The following MBOAT1 variants were observed in gnomAD, a reference collection of about 807,000 sequenced individuals.
The protein encoded by MBOAT1 is membrane bound glycerophospholipid O-acyltransferase 1.
A neutral mutation model predicts 64.4 loss-of-function variants in MBOAT1; 67 were observed. The observed-to-expected ratio is 1.04, with a 90% CI of 0.85 to 1.27. MBOAT1 has a LOEUF of 1.27. Among genes scored for constraint, MBOAT1 ranks in the 50% most tolerant of loss-of-function variants. The pLI, the probability that MBOAT1 is intolerant of heterozygous loss-of-function variation, is 0.00. For missense variants in MBOAT1, 563 were observed against 604.6 expected (o/e 0.93, Z 0.72); for synonymous variants, 229 against 218.9 (o/e 1.05, Z -0.41).
intron 3 of MBOAT1, among the ~76,000 whole-genome samples, chr6:20,148,395 G>T (rs953089230): frequency 6.6e-6 from 1 of 152,120 alleles, no homozygotes; most frequent in African/African-American, 2.4e-5. Flanking sequence ...TATAGCCTGG[G>T]CAACAGAGTG....
chr6:20,194,458 T>G (rs1300321251), intron 1 of MBOAT1, among the ~76,000 whole-genome samples: 3 of 152,218 alleles, frequency 2.0e-5, no homozygotes, highest in Non-Finnish European at 4.4e-5. Flanking sequence ...TGAAGAGTAC[T>G]GGTCAGGTAT....
intron 1 of MBOAT1, among the ~76,000 whole-genome samples, chr6:20,178,686 C>T (rs1444796097): frequency 6.6e-6 from 1 of 152,158 alleles, no homozygotes; most frequent in East Asian, 1.9e-4. Flanking sequence ...TATGACGGTC[C>T]TTCCAGGTAT....
chr6:20,149,765 T>C (rs1184963884), intron 3 of MBOAT1, among the ~76,000 whole-genome samples: 5 of 152,216 alleles, frequency 3.3e-5, no homozygotes. Context: ...ACCAAAAATT[T>C]GTTATAAGTA....
At chr6:20,196,390 G>C (rs966671421) in intron 1 of MBOAT1, among the ~76,000 whole-genome samples, 1 of 152,290 alleles carries the variant, frequency 6.6e-6, no homozygotes, top group Non-Finnish European at 1.5e-5. Flanking sequence ...ATGTCCAGGA[G>C]AGGCAAACTG....
At chr6:20,192,470 C>T (rs1762829140) in intron 1 of MBOAT1, among the ~76,000 whole-genome samples, 1 of 152,172 alleles carries the variant, frequency 6.6e-6, no homozygotes, top group South Asian at 2.1e-4. Flanking sequence ...AAGAGAGTCC[C>T]AAGAACACAT....
chr6:20,149,038 T>C (rs976772203), intron 3 of MBOAT1, among the ~76,000 whole-genome samples: 4 of 149,296 alleles, frequency 2.7e-5, no homozygotes, highest in Non-Finnish European at 5.9e-5. Context: ...GAGGTGGAGG[T>C]TGCAGTAAGC....
chr6:20,169,868 T>C (rs1363728988), intron 1 of MBOAT1, among the ~76,000 whole-genome samples: 1 of 152,130 alleles, frequency 6.6e-6, no homozygotes, highest in Non-Finnish European at 1.5e-5. Context: ...ATTTTTAACC[T>C]CCCTTTGTGC....
At position 20,109,763 on chromosome 6, in the gene MBOAT1, C is replaced by T; in HGVS notation, c.1210-14G>A. On this transcript the variant is annotated splice_polypyrimidine_tract_variant and intron_variant, in intron 11 of 12. Coordinates refer to ENST00000324607, the MANE Select transcript of MBOAT1 (RefSeq NM_001080480.3). Reference sequence around the variant, plus strand: ...GTTGTTCCTGACCTGCAGGCCAACACAGGCAACAGTAGTGAGGAGGGGGTG... The same window carrying T: ...GTTGTTCCTGACCTGCAGGCCAACATAGGCAACAGTAGTGAGGAGGGGGTG... 6.2e-7 allele frequency: 1 copy of T among 1,611,692 alleles called. No homozygotes were observed. The highest frequency in any genetic ancestry group is 8.5e-7 in the Non-Finnish European group (1 of 1,178,142).
intron 4 of MBOAT1, among the ~76,000 whole-genome samples, chr6:20,134,945 T>G (rs1341552960): frequency 7.1e-6 from 1 of 140,644 alleles, no homozygotes; most frequent in Non-Finnish European, 1.5e-5. Flanking sequence ...CAAAACTCAG[T>G]ACAGGAGAAC....
chr6:20,113,685 T>C (rs527739422), intron 10 of MBOAT1, among the ~76,000 whole-genome samples: 2 of 152,194 alleles, frequency 1.3e-5, no homozygotes, highest in African/African-American at 4.8e-5. Flanking sequence ...GCATTCTGAT[T>C]GTTTATTTAA....
chr6:20,116,522 G>T (rs1291643494), intron 9 of MBOAT1, among the ~76,000 whole-genome samples: 1 of 152,012 alleles, frequency 6.6e-6, no homozygotes, highest in Non-Finnish European at 1.5e-5. Context: ...GAGGAAGGGA[G>T]AGAAAAGTGG....
intron 4 of MBOAT1, among the ~76,000 whole-genome samples, chr6:20,142,414 C>G (rs148523318): frequency 0.01 from 1,564 of 152,190 alleles, 21 homozygotes; most frequent in Non-Finnish European, 0.016. Context: ...ATTGTTGTTC[C>G]TATGTTTTCC....
At chr6:20,184,350 C>A (rs564423300) in intron 1 of MBOAT1, among the ~76,000 whole-genome samples, 1 of 152,118 alleles carries the variant, frequency 6.6e-6, no homozygotes, top group Non-Finnish European at 1.5e-5. Flanking sequence ...TGAGGGGGGA[C>A]AGGTGGAGGA....
rs978312014 is a variant in MBOAT1 at position 20,099,786 on chromosome 6, G to C, written c.*2500C>G. Among the ~76,000 whole-genome samples the C allele has an allele frequency of 1.3e-5, 2 of 152,226 alleles. No individual in the cohort carries two copies. The highest frequency in any genetic ancestry group is 4.2e-4 in the South Asian group (2 of 4,818). ...TTTATGAACTGCATCTTATATTTAG[G>C]ACAACTTGGAAATCTAAGGTAATAA... On this transcript the variant is annotated 3_prime_UTR_variant, in exon 13 of 13. Coordinates refer to ENST00000324607, the MANE Select transcript of MBOAT1 (RefSeq NM_001080480.3).
At chr6:20,208,811 A>C (rs1218914884) in intron 1 of MBOAT1, among the ~76,000 whole-genome samples, 1 of 152,242 alleles carries the variant, frequency 6.6e-6, no homozygotes, top group African/African-American at 2.4e-5. Context: ...GCTGGTGGGC[A>C]GAATTTCCAA....
chr6:20,161,901 A>G (rs1409874071), intron 1 of MBOAT1, among the ~76,000 whole-genome samples: 3 of 152,104 alleles, frequency 2.0e-5, no homozygotes, highest in South Asian at 2.1e-4. Context: ...GGCAAAACAC[A>G]ACAGAAATTT....
chr6:20,198,615 A>G (rs1763030444), intron 1 of MBOAT1, among the ~76,000 whole-genome samples: 1 of 152,170 alleles, frequency 6.6e-6, no homozygotes, highest in Non-Finnish European at 1.5e-5. Flanking sequence ...TGTTCTTGTG[A>G]CCATTTTTCT....
intron 1 of MBOAT1, among the ~76,000 whole-genome samples, chr6:20,166,487 G>C (rs549931501): frequency 1.1e-4 from 17 of 152,202 alleles, no homozygotes; most frequent in Non-Finnish European, 2.4e-4. Context: ...CAGGCCTTTG[G>C]GGACTTCTCT....
intron 1 of MBOAT1, among the ~76,000 whole-genome samples, chr6:20,181,416 CT>C (rs933852295): frequency 2.6e-5 from 4 of 152,166 alleles, no homozygotes; most frequent in Non-Finnish European, 4.4e-5. Context: ...CTTCCCCTCC[CT>C]TTTCCACCCC....
Sources: allele counts gnomAD v4.1 joint callset (sites outside exome capture counted in the v4.1 genomes callset), GRCh38; gene constraint gnomAD v4.1.1; transcripts MANE v1.5; gene names NCBI Gene and HGNC (gene_info 2026-07-23, HGNC 2026-07-21).